ANKRD44: variants seen among roughly 807,000 people sequenced by gnomAD.
The protein encoded by ANKRD44 is ankyrin repeat domain 44, also known as serine/threonine-protein phosphatase 6 regulatory ankyrin repeat subunit B.
In ANKRD44, 35 loss-of-function variants were observed where a neutral mutation model predicts 116.0. The ratio of observed to expected loss-of-function variants is 0.30; its 90% CI spans 0.23 to 0.40. The LOEUF is 0.40. Among genes scored for constraint, ANKRD44 ranks in the 10% least tolerant of loss-of-function variants. The pLI is 1.00. For missense variants in ANKRD44, 1,014 were observed against 1,242.6 expected (o/e 0.82, Z 2.77); for synonymous variants, 435 against 461.8 (o/e 0.94, Z 0.74).
intron 1 of ANKRD44, among the ~76,000 whole-genome samples, chr2:197,239,224 G>A (rs1389172006): frequency 6.6e-6 from 1 of 152,084 alleles, no homozygotes; most frequent in African/African-American, 2.4e-5. Flanking sequence ...AGGCATAACT[G>A]GCCAAAAGGT....
At chr2:197,108,407 T>A (rs2078484811) in intron 9 of ANKRD44, among the ~76,000 whole-genome samples, 1 of 152,156 alleles carries the variant, frequency 6.6e-6, no homozygotes, top group African/African-American at 2.4e-5. Context: ...TATATCCTTA[T>A]CAATTCAGGC....
At chr2:197,145,969 G>A (rs112873422) in intron 3 of ANKRD44, among the ~76,000 whole-genome samples, 5,585 of 152,256 alleles carry the variant, frequency 0.037, 144 homozygotes, top group Middle Eastern at 0.078. Context: ...TCTACAGTGA[G>A]ACATCTGCAC....
intron 1 of ANKRD44, among the ~76,000 whole-genome samples, chr2:197,245,003 G>C (rs186436980): frequency 4.5e-4 from 69 of 152,292 alleles, no homozygotes; most frequent in African/African-American, 1.5e-3. Context: ...GGCCGGGTGT[G>C]GTAGCTCATG....
chr2:197,073,334 CTTA>C (rs2077599163), intron 16 of ANKRD44, among the ~76,000 whole-genome samples: 1 of 152,212 alleles, frequency 6.6e-6, no homozygotes, highest in Non-Finnish European at 1.5e-5. Context: ...CTGCTGGTAA[CTTA>C]TATTCCCCTC....
intron 1 of ANKRD44, among the ~76,000 whole-genome samples, chr2:197,254,045 A>T (rs988155756): frequency 2.6e-5 from 4 of 152,220 alleles, no homozygotes; most frequent in African/African-American, 9.6e-5. Flanking sequence ...TTCTGGCCTC[A>T]CGTAACTAAA....
In ANKRD44 at chr2:196,991,042, A is replaced by C. The variant is rs571210791; in HGVS notation, c.2924-1393T>G. 116 of 976,610 alleles carry C rather than the reference A, an allele frequency of 1.2e-4. 1 individual carries two copies. The highest frequency in any genetic ancestry group is 1.5e-4 in the Non-Finnish European group (113 of 755,954). The allele number at this position is 976,610 out of a possible 1,614,324, so 60.5% of individuals were successfully genotyped here. On this transcript the variant is annotated intron_variant, in intron 27 of 27. Coordinates refer to ENST00000282272, the MANE Select transcript of ANKRD44 (RefSeq NM_001195144.2). ...AGGCGGAGATGTATGTTGAGTTAGA[A>C]ATCATGCCAGGTAAAACGAGGAGTT...
chr2:197,025,930 G>A (rs893718174), intron 16 of ANKRD44, among the ~76,000 whole-genome samples: 1 of 151,978 alleles, frequency 6.6e-6, no homozygotes, highest in African/African-American at 2.4e-5. Context: ...AGGGCATCGT[G>A]TTAGTGAGGG....
At chr2:197,205,957 C>T (rs2081196285) in intron 1 of ANKRD44, among the ~76,000 whole-genome samples, 1 of 152,074 alleles carries the variant, frequency 6.6e-6, no homozygotes, top group Non-Finnish European at 1.5e-5. Flanking sequence ...GTGTGGGATG[C>T]AAGGAGTGAA....
intron 16 of ANKRD44, among the ~76,000 whole-genome samples, chr2:197,063,582 A>G (rs534308697): frequency 2.6e-5 from 4 of 152,326 alleles, no homozygotes; most frequent in African/African-American, 9.6e-5. Flanking sequence ...GGCTAACTGG[A>G]AAAACCAGTG....
intron 2 of ANKRD44, among the ~76,000 whole-genome samples, chr2:197,172,329 A>G (rs924129195): frequency 6.6e-6 from 1 of 152,056 alleles, no homozygotes; most frequent in Non-Finnish European, 1.5e-5. Flanking sequence ...AGCTTGAAGA[A>G]AGTGGTTGAT....
intron 1 of ANKRD44, among the ~76,000 whole-genome samples, chr2:197,240,082 T>C (rs2082058224): frequency 6.6e-6 from 1 of 152,000 alleles, no homozygotes; most frequent in African/African-American, 2.4e-5. Flanking sequence ...TATATATATA[T>C]TCAAGAGGTA....
intron 9 of ANKRD44, among the ~76,000 whole-genome samples, chr2:197,101,359 C>T (rs567367032): frequency 1.1e-4 from 16 of 152,198 alleles, no homozygotes; most frequent in African/African-American, 3.6e-4. Context: ...AACATTTTGG[C>T]AACAATTCCC....
chr2:197,204,617 C>T (rs527956914), intron 1 of ANKRD44, among the ~76,000 whole-genome samples: 1 of 152,080 alleles, frequency 6.6e-6, no homozygotes, highest in African/African-American at 2.4e-5. Flanking sequence ...CAAGAGATGC[C>T]AGAGCTCCAG....
At chr2:197,269,468 G>A (rs2082836531) in intron 1 of ANKRD44, among the ~76,000 whole-genome samples, 1 of 152,210 alleles carries the variant, frequency 6.6e-6, no homozygotes, top group African/African-American at 2.4e-5. Flanking sequence ...GCAGATGACT[G>A]TAACTATGGA....
intron 2 of ANKRD44, among the ~76,000 whole-genome samples, chr2:197,162,475 G>A (rs1016621822): frequency 2.0e-5 from 3 of 152,202 alleles, no homozygotes; most frequent in Admixed American, 6.5e-5. Context: ...TCCAAAAGGC[G>A]AGTCTCAGAC....
At chr2:197,264,112 G>T (rs1017860121) in intron 1 of ANKRD44, among the ~76,000 whole-genome samples, 3 of 152,066 alleles carry the variant, frequency 2.0e-5, no homozygotes, top group African/African-American at 7.2e-5. Flanking sequence ...AAAAGAAAAA[G>T]GAAAAGGAAA....
intron 21 of ANKRD44, among the ~76,000 whole-genome samples, chr2:196,971,778 G>C (rs1217026374): frequency 6.6e-6 from 1 of 152,114 alleles, no homozygotes; most frequent in Admixed American, 6.5e-5. Flanking sequence ...AATTGCCCTG[G>C]CCCTCCTCCA....
chr2:197,222,289 GCTTCTAAA>G (rs2081602338), intron 1 of ANKRD44, among the ~76,000 whole-genome samples: 1 of 151,996 alleles, frequency 6.6e-6, no homozygotes, highest in Admixed American at 6.6e-5. Context: ...AGGGAAGGAG[GCTTCTAAA>G]CTTCTTGAGC....
intron 1 of ANKRD44, among the ~76,000 whole-genome samples, chr2:197,217,000 T>G (rs1371010833): frequency 6.6e-6 from 1 of 152,082 alleles, no homozygotes; most frequent in Non-Finnish European, 1.5e-5. Context: ...CTGGCTGATC[T>G]GCAAAAGCTC....
Sources: gnomAD v4.1 joint callset for allele counts (sites outside exome capture counted in the v4.1 genomes callset) on GRCh38, gnomAD v4.1.1 for gene constraint, MANE v1.5 for transcripts, NCBI Gene and HGNC (gene_info 2026-07-23, HGNC 2026-07-21) for gene names.